Variants in PALMD observed in about 807,000 individuals in gnomAD.
PALMD encodes paralemmin-like protein.
A neutral mutation model predicts 56.2 loss-of-function variants in PALMD; 42 were observed. The observed-to-expected ratio is 0.75, with a 90% CI of 0.58 to 0.97. The LOEUF (loss-of-function observed/expected upper bound fraction) is 0.97. Ranked by LOEUF, PALMD falls within the 50% of genes least tolerant of loss-of-function variation. PALMD has a pLI of 0.00. For synonymous variants in PALMD, 242 were observed against 222.9 expected (o/e 1.09, Z -0.76); for missense variants, 660 against 643.8 (o/e 1.03, Z -0.27).
At chr1:99,647,974 G>A (rs916605446) in intron 1 of PALMD, among the ~76,000 whole-genome samples, 30 of 152,116 alleles carry the variant, frequency 2.0e-4, no homozygotes, top group African/African-American at 6.8e-4. Context: ...GGTTCCAAAC[G>A]CAAATAGAGA....
chr1:99,686,443 A>ATTCC lies in PALMD; in HGVS notation c.252-230_252-227dup, dbSNP rs1571075295. The ATTCC allele has an allele frequency of 2.9e-5, 9 of 305,154 alleles. No individual in the cohort carries two copies. In the East Asian group the frequency reaches 5.1e-4, roughly 17 times the overall value. The allele number at this position is 305,154 out of a possible 1,614,324, so 18.9% of individuals were successfully genotyped here. A position where few individuals can be genotyped will look rare whatever the true frequency, so the allele number is the denominator to read the frequency against. On this transcript the variant is annotated intron_variant, in intron 3 of 7. Transcript: ENST00000263174. ...AAAGGTCAAATGCTTTACCTAATAT[A>ATTCC]TTCCTTTGTCAAAAAAAGAAAACTT...
In PALMD at chr1:99,689,301, A is replaced by G. The variant is rs756936583; in HGVS notation, c.1041A>G (p.Leu347=). 21 of 1,613,482 alleles carry G rather than the reference A, an allele frequency of 1.3e-5. No individual in the cohort carries two copies. The East Asian group carries it at 4.2e-4, about 33-fold the overall frequency. ...AGCTTCACACCCCGCAAAAAAGGCT[A>G]ATGACTCCTTGGGAAGAATCGAATG... ...EEKLHTPQKR[L]MTPWEESNVM... The change falls in exon 7 of 8, where the codon CTA becomes CTG. Residue 347 remains leucine, a synonymous_variant. Coordinates refer to ENST00000263174, the MANE Select transcript of PALMD (RefSeq NM_017734.5).
At chr1:99,686,453 C>CA in intron 3 of PALMD, 2 of 322,088 alleles carry the variant, frequency 6.2e-6, no homozygotes, top group Non-Finnish European at 1.1e-5. Flanking sequence ...ATTCCTTTGT[C>CA]AAAAAAAGAA....
At chr1:99,658,888 G>C (rs984454889) in intron 1 of PALMD, among the ~76,000 whole-genome samples, 1 of 151,960 alleles carries the variant, frequency 6.6e-6, no homozygotes, top group Admixed American at 6.6e-5. Context: ...TGAAACTTCA[G>C]TGAGCTATGA....
intron 7 of PALMD, among the ~76,000 whole-genome samples, chr1:99,690,879 T>C (rs1352838709): frequency 6.6e-6 from 1 of 152,144 alleles, no homozygotes; most frequent in African/African-American, 2.4e-5. Flanking sequence ...GGCAGTGTGG[T>C]AGTACCTGCA....
intron 3 of PALMD, among the ~76,000 whole-genome samples, chr1:99,677,299 C>T (rs554212901): frequency 1.3e-5 from 2 of 152,142 alleles, no homozygotes; most frequent in South Asian, 4.2e-4. Flanking sequence ...AATTCATTCC[C>T]CATAAAGTTA....
intron 2 of PALMD, among the ~76,000 whole-genome samples, chr1:99,666,015 G>T (rs1047997429): frequency 6.6e-6 from 1 of 152,048 alleles, no homozygotes; most frequent in African/African-American, 2.4e-5. Context: ...GATGTATATC[G>T]TCCACATGCA....
chr1:99,676,896 T>TAA (rs1653225305), intron 3 of PALMD, among the ~76,000 whole-genome samples: 1 of 152,218 alleles, frequency 6.6e-6, no homozygotes, highest in African/African-American at 2.4e-5. Context: ...ATGAAATATC[T>TAA]TTAACCTCTG....
chr1:99,689,106 C>T lies in PALMD; in HGVS notation c.846C>T (p.Asn282=). The change falls in exon 7 of 8, where the codon AAC becomes AAT. Residue 282 remains asparagine (N), a synonymous_variant. Transcript: ENST00000263174. Reference sequence around the variant, plus strand: ...GAGAAACGGTGACCCCTGGACCAAACTTTCAAGAAAGGATAAAGATTAAAA... The same window carrying T: ...GAGAAACGGTGACCCCTGGACCAAATTTTCAAGAAAGGATAAAGATTAAAA... The part of the protein sequence containing the change: ...PQRETVTPGP[N]FQERIKIKTN... 6.2e-7 allele frequency: 1 copy of T among 1,613,380 alleles called. No homozygotes were observed. The highest frequency in any genetic ancestry group is 8.5e-7 in the Non-Finnish European group (1 of 1,179,736).
Position 99,689,040 on chromosome 1 carries a change from T to A in PALMD, c.780T>A (p.Pro260=). ...NSKSPTEYHE[P]VYANPFYRPT... ...AATCCCCAACAGAGTATCATGAGCC[T>A]GTATATGCCAATCCCTTTTACAGGC... The change falls in exon 7 of 8, where the codon CCT becomes CCA. Residue 260 remains proline, a synonymous_variant. Transcript: ENST00000263174. The A allele has an allele frequency of 6.2e-7, 1 of 1,613,776 alleles. No homozygotes were observed. Among genetic ancestry groups the A allele is most frequent in the South Asian group, 1.1e-5 (1 of 91,060 alleles).
At chr1:99,658,330 A>C (rs1226518567) in intron 1 of PALMD, among the ~76,000 whole-genome samples, 1 of 151,866 alleles carries the variant, frequency 6.6e-6, no homozygotes, top group Non-Finnish European at 1.5e-5. Context: ...AAAAAAGAAA[A>C]ACTATTACAT....
chr1:99,665,615 A>G (rs534575982), intron 2 of PALMD, among the ~76,000 whole-genome samples: 3 of 152,098 alleles, frequency 2.0e-5, no homozygotes, highest in Middle Eastern at 3.4e-3. Context: ...ATGATTCGCT[A>G]CTCTCTATAA....
intron 2 of PALMD, among the ~76,000 whole-genome samples, chr1:99,665,297 G>C (rs1487385318): frequency 6.6e-6 from 1 of 152,060 alleles, no homozygotes; most frequent in African/African-American, 2.4e-5. Flanking sequence ...TTTCAATTCT[G>C]AATTTCATTG....
intron 3 of PALMD, among the ~76,000 whole-genome samples, chr1:99,675,463 A>G (rs1287281102): frequency 6.6e-6 from 1 of 152,202 alleles, no homozygotes; most frequent in Non-Finnish European, 1.5e-5. Context: ...CCTGGCCACA[A>G]CAGTAGTTGA....
At chr1:99,690,023 A>G (rs1382980202) in intron 7 of PALMD, 151 bp downstream of exon 7, 1 of 620,998 alleles carries the variant, frequency 1.6e-6, no homozygotes, top group East Asian at 2.8e-5. Flanking sequence ...GATTATTATC[A>G]CCACAGTAAA....
At chr1:99,646,865 T>G (rs910089453) in intron 1 of PALMD, among the ~76,000 whole-genome samples, 1 of 152,210 alleles carries the variant, frequency 6.6e-6, no homozygotes, top group African/African-American at 2.4e-5. Flanking sequence ...TTAAAATGAA[T>G]GTTAATATAC....
chr1:99,658,844 G>A (rs1280299075), intron 1 of PALMD, among the ~76,000 whole-genome samples: 2 of 151,996 alleles, frequency 1.3e-5, no homozygotes, highest in African/African-American at 4.8e-5. Context: ...TACTTGAGAG[G>A]CTGAGGCAGG....
intron 1 of PALMD, among the ~76,000 whole-genome samples, chr1:99,647,098 T>C (rs1283764030): frequency 6.6e-6 from 1 of 152,212 alleles, no homozygotes; most frequent in Admixed American, 6.5e-5. Context: ...ATTACTTTTC[T>C]TAAATGATCC....
chr1:99,686,998 A>G, intron 5 of PALMD, 35 bp downstream of exon 5: 5 of 1,535,088 alleles, frequency 3.3e-6, no homozygotes, highest in Non-Finnish European at 4.5e-6. Context: ...ATGTTAAACT[A>G]AGTTTTTTTG....
Sources: allele counts gnomAD v4.1 joint callset (sites outside exome capture counted in the v4.1 genomes callset), GRCh38; gene constraint gnomAD v4.1.1; transcripts MANE v1.5; gene names NCBI Gene and HGNC (gene_info 2026-07-23, HGNC 2026-07-21).